MARCHF8: variants seen among roughly 807,000 people sequenced by gnomAD.
MARCHF8 encodes the protein membrane associated ring-CH-type finger 8.
In MARCHF8, 40 loss-of-function variants were observed where a neutral mutation model predicts 51.6. That is an observed-to-expected ratio of 0.77 (90% CI 0.60 to 1.01). MARCHF8 has a LOEUF of 1.01. Ranked by LOEUF, MARCHF8 falls within the 50% of genes least tolerant of loss-of-function variation. MARCHF8 has a pLI of 0.00. For synonymous variants in MARCHF8, 263 were observed against 280.3 expected (o/e 0.94, Z 0.62); for missense variants, 685 against 708.6 (o/e 0.97, Z 0.38).
At chr10:45,576,974 G>GAAAAAA (rs58593536) in intron 1 of MARCHF8, among the ~76,000 whole-genome samples, 27 of 120,396 alleles carry the variant, frequency 2.2e-4, no homozygotes, top group East Asian at 1.2e-3. Flanking sequence ...AAAGAGAAAA[G>GAAAAAA]AAAAAAAAAA....
At chr10:45,507,900 C>G (rs2043417648) in intron 2 of MARCHF8, among the ~76,000 whole-genome samples, 1 of 151,076 alleles carries the variant, frequency 6.6e-6, no homozygotes, top group Non-Finnish European at 1.5e-5. Context: ...TTGGTTTTCT[C>G]TGTTGAAATT....
At chr10:45,570,832 C>T (rs957550840) in intron 1 of MARCHF8, among the ~76,000 whole-genome samples, 4 of 152,022 alleles carry the variant, frequency 2.6e-5, no homozygotes, top group African/African-American at 4.8e-5. Flanking sequence ...ATTTTAAAAA[C>T]GTTTCTCAAT....
At chr10:45,460,495 A>G (rs1474855524) in intron 6 of MARCHF8, among the ~76,000 whole-genome samples, 1 of 152,234 alleles carries the variant, frequency 6.6e-6, no homozygotes, top group Non-Finnish European at 1.5e-5. Context: ...ATTGGCTAGT[A>G]TTTGATTATG....
At chr10:45,551,611 C>T (rs1285934051) in intron 1 of MARCHF8, among the ~76,000 whole-genome samples, 2 of 151,938 alleles carry the variant, frequency 1.3e-5, no homozygotes, top group African/African-American at 4.8e-5. Flanking sequence ...CAGTTGAAGG[C>T]CTTAATATAA....
chr10:45,467,244 G>A (rs534072330), intron 3 of MARCHF8, among the ~76,000 whole-genome samples: 20 of 152,292 alleles, frequency 1.3e-4, no homozygotes, highest in African/African-American at 4.3e-4. Flanking sequence ...CAGAGAAAGA[G>A]TCTCTCTTCT....
intron 3 of MARCHF8, among the ~76,000 whole-genome samples, chr10:45,469,737 C>T (rs1003748329): frequency 3.3e-5 from 5 of 151,538 alleles, no homozygotes; most frequent in African/African-American, 7.3e-5. Context: ...TGGTGGCGGG[C>T]GCCTGTAGTC....
intron 2 of MARCHF8, among the ~76,000 whole-genome samples, chr10:45,517,324 G>A (rs982253815): frequency 1.3e-5 from 2 of 152,168 alleles, no homozygotes; most frequent in Non-Finnish European, 2.9e-5. Flanking sequence ...AAATAGTTTG[G>A]ATATTTGTCT....
intron 1 of MARCHF8, among the ~76,000 whole-genome samples, chr10:45,592,012 C>T (rs139673092): frequency 1.6e-4 from 24 of 152,240 alleles, no homozygotes; most frequent in African/African-American, 5.8e-4. Context: ...TCATATTATC[C>T]TCAGATTACA....
At chr10:45,547,620 T>C (rs911943105) in intron 1 of MARCHF8, among the ~76,000 whole-genome samples, 3 of 152,130 alleles carry the variant, frequency 2.0e-5, no homozygotes, top group Admixed American at 6.6e-5. Flanking sequence ...AGCGGTTTTT[T>C]TGTTTTTTGT....
Position 45,463,223 on chromosome 10 carries a change from A to G in MARCHF8, c.1016T>C (p.Leu339Pro), listed in dbSNP as rs866299670. The change falls in exon 5 of 8, where the codon CTG becomes CCG. Residue 339 changes from leucine to proline, a missense_variant. By Grantham distance (98) the Leu-to-Pro change is moderately conservative. Transcript: ENST00000453424. ...TTCAGAGAAGGGAGAAGGACAATCC[A>G]GGTCGCTGTCCTTTTCCGTGGAGCA... ...PLCSTEKDSD[L>P]DCPSPFSEKL... is the part of the protein sequence containing the mutation. The G allele has an allele frequency of 1.0e-5, 16 of 1,550,672 alleles. No individual in the cohort carries two copies. In the African/African-American group the frequency reaches 2.1e-4, roughly 20 times the overall value.
intron 1 of MARCHF8, among the ~76,000 whole-genome samples, chr10:45,570,773 T>A (rs1031881568): frequency 1.3e-5 from 2 of 152,180 alleles, no homozygotes; most frequent in African/African-American, 2.4e-5. Context: ...AGTTGCAGGA[T>A]GGCAGGTCAA....
At chr10:45,481,641 G>A (rs1280619971) in intron 3 of MARCHF8, among the ~76,000 whole-genome samples, 1 of 152,190 alleles carries the variant, frequency 6.6e-6, no homozygotes, top group African/African-American at 2.4e-5. Flanking sequence ...TGTAAGACAT[G>A]CCTTTCGCCT....
chr10:45,572,592 T>C (rs1212326397), intron 1 of MARCHF8, among the ~76,000 whole-genome samples: 1 of 152,070 alleles, frequency 6.6e-6, no homozygotes, highest in Non-Finnish European at 1.5e-5. Flanking sequence ...AGGCAAACGG[T>C]CTGAGGTGCC....
At chr10:45,477,127 G>T (rs746107514) in intron 3 of MARCHF8, among the ~76,000 whole-genome samples, 4 of 151,948 alleles carry the variant, frequency 2.6e-5, no homozygotes, top group Non-Finnish European at 5.9e-5. Flanking sequence ...GACCCCCATC[G>T]AACCAACAGC....
At chr10:45,488,028 G>A (rs1477223744) in intron 3 of MARCHF8, among the ~76,000 whole-genome samples, 1 of 152,104 alleles carries the variant, frequency 6.6e-6, no homozygotes, top group African/African-American at 2.4e-5. Flanking sequence ...CAATGTGTGG[G>A]CTGAGAGAGG....
At chr10:45,547,909 C>T (rs892857624) in intron 1 of MARCHF8, among the ~76,000 whole-genome samples, 5 of 152,142 alleles carry the variant, frequency 3.3e-5, no homozygotes, top group African/African-American at 9.7e-5. Context: ...CACTAAGATA[C>T]CCCTCAAATA....
intron 2 of MARCHF8, among the ~76,000 whole-genome samples, chr10:45,510,802 G>T (rs138614972): frequency 6.6e-6 from 1 of 152,126 alleles, no homozygotes; most frequent in East Asian, 1.9e-4. Flanking sequence ...TTCATCTAGG[G>T]TCTCTGGATT....
intron 3 of MARCHF8, among the ~76,000 whole-genome samples, chr10:45,483,903 A>G (rs1289213984): frequency 1.3e-5 from 2 of 152,192 alleles, no homozygotes; most frequent in African/African-American, 4.8e-5. Context: ...AAGGGTGTGC[A>G]TGGAGGCAGG....
upstream of MARCHF8, among the ~76,000 whole-genome samples, chr10:45,538,554 G>A (rs1379044795): frequency 1.3e-5 from 2 of 152,170 alleles, no homozygotes; most frequent in East Asian, 3.8e-4. Flanking sequence ...CCATTACTGT[G>A]CTGTATTCAG....
Sources: allele counts gnomAD v4.1 joint callset (sites outside exome capture counted in the v4.1 genomes callset), GRCh38; gene constraint gnomAD v4.1.1; transcripts MANE v1.5; gene names NCBI Gene and HGNC (gene_info 2026-07-23, HGNC 2026-07-21).